Variants in RIMS2 observed in about 807,000 individuals in gnomAD.
The protein encoded by RIMS2 is regulating synaptic membrane exocytosis protein 2.
A neutral mutation model predicts 174.4 loss-of-function variants in RIMS2; 59 were observed. That is an observed-to-expected ratio of 0.34 (90% confidence interval 0.27 to 0.42). The LOEUF (loss-of-function observed/expected upper bound fraction) is 0.42, where lower values mean the gene tolerates loss of function less well. RIMS2 is among the 10% of genes least tolerant of loss of function. The probability of loss-of-function intolerance (pLI) is 1.00; values close to 1 mark genes in which losing one functional copy is unlikely to be tolerated. For synonymous variants in RIMS2, 606 were observed against 572.5 expected (o/e 1.06, Z -0.84); for missense variants, 1,620 against 1,666.3 (o/e 0.97, Z 0.48).
chr8:103,602,349 A>G (rs1404921545), intron 1 of RIMS2, among the ~76,000 whole-genome samples: 2 of 152,090 alleles, frequency 1.3e-5, no homozygotes, highest in Non-Finnish European at 2.9e-5. Context: ...AGGTTTTTAT[A>G]TAGGTAAACT....
chr8:103,942,692 C>A, intron 13 of RIMS2, 81 bp from the exon 16 acceptor site: 2 of 989,134 alleles, frequency 2.0e-6, no homozygotes, highest in Non-Finnish European at 2.9e-6. Context: ...ATAATTATTA[C>A]TACAAAAGTT....
chr8:103,799,488 T>C (rs1255050387), intron 3 of RIMS2, among the ~76,000 whole-genome samples: 3 of 152,152 alleles, frequency 2.0e-5, no homozygotes, highest in Admixed American at 2.0e-4. Context: ...TCTATGTAGA[T>C]GTATAATTAA....
At chr8:103,618,375 C>T (rs2095554993) in intron 1 of RIMS2, among the ~76,000 whole-genome samples, 1 of 151,972 alleles carries the variant, frequency 6.6e-6, no homozygotes. Context: ...TTACAGAAAC[C>T]CTCAGGAAAT....
chr8:104,152,204 T>C (rs1182471032), intron 19 of RIMS2, among the ~76,000 whole-genome samples: 1 of 152,202 alleles, frequency 6.6e-6, no homozygotes, highest in Non-Finnish European at 1.5e-5. Context: ...TGTTTCTTGT[T>C]ATATCATAAA....
chr8:104,210,428 T>C (rs889387967), intron 19 of RIMS2, among the ~76,000 whole-genome samples: 1 of 152,240 alleles, frequency 6.6e-6, no homozygotes, highest in African/African-American at 2.4e-5. Context: ...TCTTCTGTAC[T>C]TTGGAATTTC....
chr8:103,533,289 T>C (rs1177145999), intron 1 of RIMS2, among the ~76,000 whole-genome samples: 2 of 151,968 alleles, frequency 1.3e-5, no homozygotes, highest in African/African-American at 4.8e-5. Flanking sequence ...GAGTTGAGGG[T>C]ATTGGGAGCA....
intron 1 of RIMS2, among the ~76,000 whole-genome samples, chr8:103,649,265 C>T (rs545434228): frequency 2.8e-4 from 42 of 152,246 alleles, no homozygotes; most frequent in Non-Finnish European, 5.9e-4. Context: ...TGAATATTGG[C>T]CCCTAATCTC....
At chr8:104,146,384 A>G (rs1476980034) in intron 19 of RIMS2, among the ~76,000 whole-genome samples, 2 of 152,082 alleles carry the variant, frequency 1.3e-5, no homozygotes, top group African/African-American at 4.8e-5. Flanking sequence ...ATCTCTAAAA[A>G]ACAAATGAAT....
At chr8:103,859,883 T>C (rs2099049340) in intron 3 of RIMS2, among the ~76,000 whole-genome samples, 1 of 151,956 alleles carries the variant, frequency 6.6e-6, no homozygotes, top group Non-Finnish European at 1.5e-5. Context: ...TTTTACTACC[T>C]CAGCACAGAA....
intron 1 of RIMS2, among the ~76,000 whole-genome samples, chr8:103,696,555 G>A (rs1210172088): frequency 6.6e-6 from 1 of 151,960 alleles, no homozygotes; most frequent in Non-Finnish European, 1.5e-5. Context: ...TATATTAATT[G>A]GTTATTTAAT....
chr8:103,944,504 T>G (rs527656371), intron 14 of RIMS2, among the ~76,000 whole-genome samples: 3 of 152,152 alleles, frequency 2.0e-5, no homozygotes, highest in Non-Finnish European at 2.9e-5. Flanking sequence ...TTGCAATAGG[T>G]AATAGATTGA....
At chr8:104,107,053 C>A (rs16870926) in intron 19 of RIMS2, among the ~76,000 whole-genome samples, 23 of 152,086 alleles carry the variant, frequency 1.5e-4, no homozygotes, top group African/African-American at 5.1e-4. Flanking sequence ...AACACCTGGC[C>A]TGAGACTTTA....
At position 104,078,163 on chromosome 8, in the gene RIMS2, C is replaced by CA. The variant is rs36009469; in HGVS notation, c.3334+63560dup. Among the ~76,000 whole-genome samples the CA allele has an allele frequency of 9.8e-3, 1,312 of 134,082 alleles. 25 individuals carry two copies. Among genetic ancestry groups the CA allele is most frequent in the African/African-American group, 0.03 (1,114 of 37,524 alleles). 88.0% of individuals were successfully genotyped at this position (134,082 alleles called of 152,430 possible). On this transcript the variant is annotated intron_variant, in intron 19 of 23. Transcript: ENST00000504942. ...TCAAAAACAAACAAAAAAAACAAAC[C>CA]AAAAAAAAAAAACACTTGATGGTAA...
chr8:104,137,391 C>T (rs971267373), intron 19 of RIMS2, among the ~76,000 whole-genome samples: 3 of 152,118 alleles, frequency 2.0e-5, no homozygotes, highest in African/African-American at 7.2e-5. Context: ...AGGATTACCT[C>T]ATCACAACGT....
At chr8:104,251,607 C>T (rs267601696) in exon 24 of RIMS2, 28 of 1,582,114 alleles carry the variant, frequency 1.8e-5, no homozygotes, top group Non-Finnish European at 2.2e-5. Flanking sequence ...AACAGATCAT[C>T]GTCTGGGGAG....
At chr8:103,513,129 G>T (rs1267665705) in intron 1 of RIMS2, among the ~76,000 whole-genome samples, 1 of 152,182 alleles carries the variant, frequency 6.6e-6, no homozygotes, top group African/African-American at 2.4e-5. Context: ...GAATGTATGG[G>T]CTTGGAGGCT....
intron 20 of RIMS2, 39 bp downstream of exon 26, chr8:104,245,096 C>T: frequency 6.3e-7 from 1 of 1,598,566 alleles, no homozygotes. Context: ...TCCTCCGTGC[C>T]TCACCTATCT....
intron 3 of RIMS2, among the ~76,000 whole-genome samples, chr8:103,785,593 G>A (rs1377810514): frequency 5.3e-5 from 8 of 152,024 alleles, no homozygotes; most frequent in East Asian, 1.9e-4. Context: ...TGTATATTGA[G>A]CCAGCCTTGC....
intron 19 of RIMS2, among the ~76,000 whole-genome samples, chr8:104,143,557 G>A (rs1024046594): frequency 1.3e-5 from 2 of 152,176 alleles, no homozygotes; most frequent in African/African-American, 4.8e-5. Flanking sequence ...GAAGAAAAAG[G>A]AAGTAAGCCT....
Sources: gnomAD v4.1 joint callset for allele counts (sites outside exome capture counted in the v4.1 genomes callset) on GRCh38, gnomAD v4.1.1 for gene constraint, MANE v1.5 for transcripts, NCBI Gene and HGNC (gene_info 2026-07-23, HGNC 2026-07-21) for gene names.